The following GTF2I variants were observed in gnomAD, a reference collection of about 807,000 sequenced individuals.
GTF2I encodes general transcription factor II-I.
Under a neutral mutation model 67.6 loss-of-function variants are expected in GTF2I, and 12 were observed. The observed-to-expected ratio is 0.18, with a 90% CI of 0.11 to 0.29. The LOEUF is 0.29. Ranked by LOEUF, GTF2I falls within the 10% of genes least tolerant of loss-of-function variation. The pLI, the probability that GTF2I is intolerant of heterozygous loss-of-function variation, is 1.00. For missense variants in GTF2I, 271 were observed against 580.1 expected (o/e 0.47, Z 5.47); for synonymous variants, 149 against 197.0 (o/e 0.76, Z 2.04).
At chr7:74,667,389 T>G (rs1805073335) in intron 1 of GTF2I, among the ~76,000 whole-genome samples, 1 of 152,174 alleles carries the variant, frequency 6.6e-6, no homozygotes, top group African/African-American at 2.4e-5. Flanking sequence ...TTATGAAGAA[T>G]AAATTTGTGT....
At chr7:74,720,739 G>GTT (rs1379858985) in intron 12 of GTF2I, among the ~76,000 whole-genome samples, 1 of 108,708 alleles carries the variant, frequency 9.2e-6, no homozygotes, top group African/African-American at 3.6e-5. Flanking sequence ...GATAGAAGCT[G>GTT]TATTTTTTTT....
At chr7:74,659,740 C>A (rs1215515073) in intron 1 of GTF2I, among the ~76,000 whole-genome samples, 1 of 152,002 alleles carries the variant, frequency 6.6e-6, no homozygotes, top group Non-Finnish European at 1.5e-5. Flanking sequence ...ATGGGGTCTT[C>A]TTGTGTTGCC....
chr7:74,681,269 T>TA (rs1288274060), intron 1 of GTF2I, among the ~76,000 whole-genome samples: 5 of 151,684 alleles, frequency 3.3e-5, no homozygotes, highest in Admixed American at 6.6e-5. Flanking sequence ...ACCCCATCTC[T>TA]AAAAAAAATA....
intron 1 of GTF2I, among the ~76,000 whole-genome samples, chr7:74,660,621 C>CTTTTTTTT (rs35605839): frequency 1.6e-5 from 2 of 124,548 alleles, no homozygotes; most frequent in Non-Finnish European, 3.2e-5. Context: ...CTTTTCTTTT[C>CTTTTTTTT]TTTTTTTTTT....
At position 74,747,792 on chromosome 7, in the gene GTF2I, C is replaced by CA. The variant is rs4028287; in HGVS notation, c.2069-205dup. Among the ~76,000 whole-genome samples the CA allele has an allele frequency of 6.7e-3, 238 of 35,314 alleles. 4 individuals carry two copies. Among genetic ancestry groups the CA allele is most frequent in the African/African-American group, 0.015 (161 of 10,412 alleles). The allele number at this position is 35,314 out of a possible 152,430, so 23.2% of individuals were successfully genotyped here. A position where few individuals can be genotyped will look rare whatever the true frequency, so the allele number is the denominator to read the frequency against. The stretch of plus-strand genomic sequence containing the variant: ...GGGCAACAAGAGCGAAACTTTGTCT[C>CA]AAAAAAAAAAAAAAAAAAGAAGAAG... On this transcript the variant is annotated intron_variant, in intron 23 of 34. Coordinates refer to ENST00000573035, the MANE Select transcript of GTF2I (RefSeq NM_032999.4).
At chr7:74,705,140 C>A (rs782604338) in intron 6 of GTF2I, 24 bp from the exon 7 acceptor site, 8 of 1,485,830 alleles carry the variant, frequency 5.4e-6, no homozygotes, top group Non-Finnish European at 7.5e-6. Flanking sequence ...AAAACTAACT[C>A]CAATTTTTTT....
intron 12 of GTF2I, chr7:74,722,821 C>A (rs1793204026): frequency 6.6e-6 from 1 of 152,022 alleles, no homozygotes; most frequent in Non-Finnish European, 1.5e-5. Flanking sequence ...TGGAAAACTT[C>A]TGTGTTTTTT....
At chr7:74,700,722 T>A in intron 6 of GTF2I, 88 bp downstream of exon 6, 1 of 1,231,984 alleles carries the variant, frequency 8.1e-7, no homozygotes, top group Non-Finnish European at 1.2e-6. Flanking sequence ...TTTTATTGTC[T>A]TTGAGAATAT....
intron 3 of GTF2I, among the ~76,000 whole-genome samples, chr7:74,694,165 T>G (rs1261593362): frequency 6.6e-6 from 1 of 152,212 alleles, no homozygotes; most frequent in Non-Finnish European, 1.5e-5. Flanking sequence ...GCCACAGCAT[T>G]CCCTTAAGCC....
intron 1 of GTF2I, among the ~76,000 whole-genome samples, chr7:74,658,750 G>C (rs782120012): frequency 7.9e-5 from 12 of 151,326 alleles, no homozygotes; most frequent in Non-Finnish European, 1.6e-4. Flanking sequence ...CGCCTGCCCC[G>C]CGGGGCCTGT....
At chr7:74,725,717 C>T (rs810364) in intron 12 of GTF2I, among the ~76,000 whole-genome samples, 97,044 of 151,894 alleles carry the variant, frequency 0.64, 33,080 homozygotes, top group East Asian at 0.91. Flanking sequence ...TATATATGTT[C>T]ACATTTAACA....
chr7:74,668,033 C>T (rs1805133411), intron 1 of GTF2I, among the ~76,000 whole-genome samples: 1 of 151,604 alleles, frequency 6.6e-6, no homozygotes, highest in Non-Finnish European at 1.5e-5. Context: ...GGGGTTTCAC[C>T]ATGTTAGCCA....
Position 74,669,231 on chromosome 7 carries a change from T to TAG in GTF2I, c.-6+11163_-6+11164insAG. On this transcript the variant is annotated intron_variant, in intron 1 of 34. Transcript: ENST00000573035. ...TATATCCAGACTAGTTTAGTTTTTT[T>TAG]TTTTTTTTTTTTTTTTTGAGACAGT... 2.1e-5 allele frequency among the ~76,000 whole-genome samples: 3 copies of TAG among 143,318 alleles called. 1 individual carries two copies. The highest frequency in any genetic ancestry group is 4.6e-5 in the Non-Finnish European group (3 of 65,776). 94.0% of individuals were successfully genotyped at this position (143,318 alleles called of 152,430 possible). A position where few individuals can be genotyped will look rare whatever the true frequency, so the allele number is the denominator to read the frequency against.
chr7:74,691,451 C>A (rs1378805124), intron 3 of GTF2I, among the ~76,000 whole-genome samples: 2 of 152,118 alleles, frequency 1.3e-5, no homozygotes, highest in African/African-American at 4.8e-5. Flanking sequence ...GGTGATCTGC[C>A]CACCTTGGCC....
intron 1 of GTF2I, among the ~76,000 whole-genome samples, chr7:74,659,472 C>T (rs1584044951): frequency 6.6e-6 from 1 of 151,088 alleles, no homozygotes; most frequent in Non-Finnish European, 1.5e-5. Flanking sequence ...TCACTGCAAC[C>T]TCTGCCTCCC....
At chr7:74,681,961 A>G (rs1167946980) in intron 1 of GTF2I, among the ~76,000 whole-genome samples, 1 of 151,216 alleles carries the variant, frequency 6.6e-6, no homozygotes, top group African/African-American at 2.4e-5. Context: ...TGCCTCTGGG[A>G]TCACAGGACA....
chr7:74,674,214 C>T (rs587623262), intron 1 of GTF2I, among the ~76,000 whole-genome samples: 50 of 151,626 alleles, frequency 3.3e-4, no homozygotes, highest in African/African-American at 1.0e-3. Flanking sequence ...GGACAACAGG[C>T]GTGTACCACA....
In GTF2I at chr7:74,718,844, A is replaced by G. The variant is rs143601012; in HGVS notation, c.881-35A>G. On this transcript the variant is annotated intron_variant, in intron 11 of 34. Transcript: ENST00000573035. Reference sequence around the variant, plus strand: ...TGGAACATATGGAAACATGCTTAATAATGAATGTCATTTTAGAATTTTATT... The same window carrying G: ...TGGAACATATGGAAACATGCTTAATGATGAATGTCATTTTAGAATTTTATT... 2.1e-5 allele frequency: 23 copies of G among 1,080,216 alleles called. No homozygotes were observed. The African/African-American group carries it at 3.3e-4, about 16-fold the overall frequency. The allele number at this position is 1,080,216 out of a possible 1,614,324, so 66.9% of individuals were successfully genotyped here. A position where few individuals can be genotyped will look rare whatever the true frequency, so the allele number is the denominator to read the frequency against.
chr7:74,722,333 C>G (rs1043630863), intron 12 of GTF2I, among the ~76,000 whole-genome samples: 2 of 152,018 alleles, frequency 1.3e-5, no homozygotes, highest in Non-Finnish European at 2.9e-5. Context: ...CTAATAGGAC[C>G]GCATGCCTCA....
Sources: allele counts gnomAD v4.1 joint callset (sites outside exome capture counted in the v4.1 genomes callset), GRCh38; gene constraint gnomAD v4.1.1; transcripts MANE v1.5; gene names NCBI Gene and HGNC (gene_info 2026-07-23, HGNC 2026-07-21).